Variants in TAFA2 observed in about 807,000 individuals in gnomAD.
TAFA2 encodes chemokine-like protein TAFA-2.
Under a neutral mutation model 18.8 loss-of-function variants are expected in TAFA2, and 7 were observed. That is an observed-to-expected ratio of 0.37 (90% confidence interval 0.21 to 0.70). The LOEUF (loss-of-function observed/expected upper bound fraction) is 0.70. Among genes scored for constraint, TAFA2 ranks in the 30% least tolerant of loss-of-function variants. TAFA2 has a pLI of 0.53. For missense variants in TAFA2, 122 were observed against 158.1 expected, an observed-to-expected ratio of 0.77 and a Z score of 1.23; for synonymous variants, 60 against 54.2, an observed-to-expected ratio of 1.11 and a Z score of -0.47.
At chr12:62,072,177 A>T (rs1468505900) in intron 1 of TAFA2, among the ~76,000 whole-genome samples, 12 of 152,256 alleles carry the variant, frequency 7.9e-5, no homozygotes, top group African/African-American at 2.9e-4. Context: ...AAAATAATCC[A>T]TTCCTGGCCG....
intron 1 of TAFA2, among the ~76,000 whole-genome samples, chr12:62,158,610 G>C (rs965928936): frequency 1.3e-5 from 2 of 152,154 alleles, no homozygotes; most frequent in Non-Finnish European, 2.9e-5. Context: ...AATCTTCATT[G>C]CAAACTTTGG....
intron 1 of TAFA2, among the ~76,000 whole-genome samples, chr12:62,100,615 C>T (rs1287018059): frequency 1.3e-5 from 2 of 152,164 alleles, no homozygotes; most frequent in East Asian, 3.9e-4. Flanking sequence ...ATCCAGTCAT[C>T]CTAAAAGAAC....
chr12:61,818,143 A>G (rs1872163130), intron 2 of TAFA2, among the ~76,000 whole-genome samples: 1 of 152,050 alleles, frequency 6.6e-6, no homozygotes, highest in South Asian at 2.1e-4. Context: ...CATTTTTCTA[A>G]AGCCTCGACT....
chr12:62,194,599 G>A (rs1010375351), upstream of TAFA2, among the ~76,000 whole-genome samples: 3 of 152,118 alleles, frequency 2.0e-5, no homozygotes, highest in Admixed American at 6.5e-5. Flanking sequence ...TAACCTCTGT[G>A]CTTTTTGTAA....
rs561767345 is a variant in TAFA2 at position 62,077,365 on chromosome 12, C to T, written c.-2+113894G>A. 5.9e-5 allele frequency among the ~76,000 whole-genome samples: 9 copies of T among 152,264 alleles called. No homozygotes were observed. In the South Asian group the frequency reaches 8.3e-4, roughly 14 times the overall value. ...CAAAGTCATTGCAAAAGCTATCTTTCGCATAAGAGTAAATTAAAAATTAAA... is the reference window on the plus strand; with the variant it reads ...CAAAGTCATTGCAAAAGCTATCTTTTGCATAAGAGTAAATTAAAAATTAAA... On this transcript the variant is annotated intron_variant, in intron 1 of 4. Coordinates refer to ENST00000416284, the MANE Select transcript of TAFA2 (RefSeq NM_178539.5).
At chr12:61,837,487 A>G (rs1285243872) in intron 2 of TAFA2, among the ~76,000 whole-genome samples, 1 of 151,992 alleles carries the variant, frequency 6.6e-6, no homozygotes, top group Non-Finnish European at 1.5e-5. Context: ...TGGTGTAGAC[A>G]GCATGTGTAT....
chr12:62,004,562 G>GA (rs1296720270), intron 1 of TAFA2, among the ~76,000 whole-genome samples: 3 of 152,016 alleles, frequency 2.0e-5, no homozygotes, highest in Non-Finnish European at 4.4e-5. Flanking sequence ...TAAAGAGAGG[G>GA]AAAAAAATGA....
At chr12:61,892,855 T>C (rs1165850709) in intron 1 of TAFA2, among the ~76,000 whole-genome samples, 5 of 152,176 alleles carry the variant, frequency 3.3e-5, no homozygotes, top group Admixed American at 1.3e-4. Context: ...TAATAAAGTA[T>C]GTCCTAATAG....
intron 4 of TAFA2, among the ~76,000 whole-genome samples, chr12:61,712,642 G>T (rs990015629): frequency 2.0e-5 from 3 of 151,968 alleles, no homozygotes; most frequent in Non-Finnish European, 4.4e-5. Context: ...AGAAGTAATT[G>T]TCTAAACACA....
At chr12:62,122,322 T>C (rs1870235044) in intron 1 of TAFA2, among the ~76,000 whole-genome samples, 1 of 152,132 alleles carries the variant, frequency 6.6e-6, no homozygotes, top group Non-Finnish European at 1.5e-5. Flanking sequence ...AAAGACAAAG[T>C]AGTCTAGATG....
rs139358666 is a variant in TAFA2 at position 61,809,169 on chromosome 12, G to A, written c.107-54145C>T. 4.6e-3 allele frequency among the ~76,000 whole-genome samples: 702 copies of A among 151,566 alleles called. 2 individuals carry two copies. Among genetic ancestry groups the A allele is most frequent in the Non-Finnish European group, 7.5e-3 (513 of 68,020 alleles). ...ATGAGCAGAAAGCATAGGGTTCAAC[G>A]TGCAATCTCTAAAGTCAGGCTTCCT... is the stretch of plus-strand genomic sequence containing the variant. On this transcript the variant is annotated intron_variant, in intron 2 of 4. Coordinates refer to ENST00000416284, the MANE Select transcript of TAFA2 (RefSeq NM_178539.5).
At chr12:62,161,907 T>C (rs1320801703) in intron 1 of TAFA2, among the ~76,000 whole-genome samples, 1 of 152,200 alleles carries the variant, frequency 6.6e-6, no homozygotes, top group Non-Finnish European at 1.5e-5. Context: ...AAATATGTCA[T>C]AGGAGTTAAC....
chr12:61,920,262 G>A (rs1247534239), intron 1 of TAFA2, among the ~76,000 whole-genome samples: 2 of 152,026 alleles, frequency 1.3e-5, no homozygotes, highest in East Asian at 3.9e-4. Flanking sequence ...TTCCACTTTG[G>A]CATAAAGAGG....
At chr12:62,088,582 G>A (rs1868559157) in intron 1 of TAFA2, among the ~76,000 whole-genome samples, 2 of 127,352 alleles carry the variant, frequency 1.6e-5, no homozygotes, top group Non-Finnish European at 1.7e-5. Context: ...AGACTCTCGG[G>A]GAAACAGCCC....
chr12:61,805,120 T>A (rs536297795), intron 2 of TAFA2, among the ~76,000 whole-genome samples: 7 of 152,156 alleles, frequency 4.6e-5, no homozygotes, highest in Non-Finnish European at 8.8e-5. Flanking sequence ...AGGGTATATG[T>A]CTGGTATTTA....
At chr12:62,021,286 T>C (rs1881127261) in intron 1 of TAFA2, among the ~76,000 whole-genome samples, 1 of 152,156 alleles carries the variant, frequency 6.6e-6, no homozygotes, top group Non-Finnish European at 1.5e-5. Flanking sequence ...TTTTTTAATT[T>C]TTTTTATTTT....
chr12:61,724,769 GTGTGTGTGTGTGTGTGTGTGT>G (rs1870066117), intron 4 of TAFA2, among the ~76,000 whole-genome samples: 1 of 112,066 alleles, frequency 8.9e-6, no homozygotes, highest in African/African-American at 5.4e-5. Context: ...GTGTGTGTGT[GTGTGTGTGTGTGTGTGTGTGT>G]GTGTGTGTGT....
intron 1 of TAFA2, among the ~76,000 whole-genome samples, chr12:62,128,510 C>T (rs1870554096): frequency 6.6e-6 from 1 of 152,050 alleles, no homozygotes; most frequent in Admixed American, 6.6e-5. Flanking sequence ...GAGGCCAGCA[C>T]AGGTGTAAAT....
At chr12:62,127,586 G>C (rs1040446176) in intron 1 of TAFA2, among the ~76,000 whole-genome samples, 6 of 151,884 alleles carry the variant, frequency 4.0e-5, no homozygotes, top group African/African-American at 1.2e-4. Flanking sequence ...ATGAATTAAA[G>C]TCATTAATGG....
Sources: gnomAD v4.1 joint callset for allele counts (sites outside exome capture counted in the v4.1 genomes callset) on GRCh38, gnomAD v4.1.1 for gene constraint, MANE v1.5 for transcripts, NCBI Gene and HGNC (gene_info 2026-07-23, HGNC 2026-07-21) for gene names.